LRCH3: variants seen among roughly 807,000 people sequenced by gnomAD.
LRCH3 encodes the protein leucine rich repeats and calponin homology domain containing 3.
LRCH3 carries 68 observed loss-of-function variants against 104.5 expected under a neutral mutation model. The observed-to-expected ratio is 0.65, with a 90% CI of 0.54 to 0.80. The LOEUF is 0.80. Ranked by LOEUF, LRCH3 falls within the 30% of genes least tolerant of loss-of-function variation. The pLI, the probability that LRCH3 is intolerant of heterozygous loss-of-function variation, is 0.00. For missense variants in LRCH3, 951 were observed against 953.9 expected (o/e 1.00, Z 0.04); for synonymous variants, 344 against 361.3 (o/e 0.95, Z 0.54).
At chr3:197,835,611 A>C in intron 8 of LRCH3, 63 bp from the exon 9 acceptor site, 10 of 1,383,942 alleles carry the variant, frequency 7.2e-6, no homozygotes, top group Non-Finnish European at 9.5e-6. Flanking sequence ...TTTATTGGCT[A>C]TCTAATTTGA....
Position 197,824,376 on chromosome 3 carries a change from T to TC in LRCH3, c.641-2498dup, listed in dbSNP as rs1469022697. On this transcript the variant is annotated intron_variant, in intron 4 of 20. Transcript: ENST00000425562. ...CCACGCCCGGCTTTTTTTTTTTTTTTCCCCTGGAGGTAATAGTTTCTTATC... is the reference window on the plus strand; with the variant it reads ...CCACGCCCGGCTTTTTTTTTTTTTTTCCCCCTGGAGGTAATAGTTTCTTATC... 2.9e-3 allele frequency among the ~76,000 whole-genome samples: 428 copies of TC among 149,848 alleles called. 13 individuals are homozygous for TC. Among genetic ancestry groups the TC allele is most frequent in the African/African-American group, 9.7e-3 (393 of 40,650 alleles).
At position 197,885,033 on chromosome 3, in the gene LRCH3, G is replaced by A. The variant is rs1294582687; in HGVS notation, c.*1367G>A. 1 of 152,168 alleles carries A rather than the reference G, an allele frequency of 6.6e-6. No individual in the cohort carries two copies. Among genetic ancestry groups the A allele is most frequent in the African/African-American group, 2.4e-5 (1 of 41,424 alleles). 9.4% of individuals were successfully genotyped at this position (152,168 alleles called of 1,614,324 possible). A position where few individuals can be genotyped will look rare whatever the true frequency, so the allele number is the denominator to read the frequency against. On this transcript the variant is annotated 3_prime_UTR_variant, in exon 21 of 21. Transcript: ENST00000425562. ...ATAGTTCTATGTCATCCTGTTATCT[G>A]GACATTATAATAAACAACAAGCCCT...
intron 20 of LRCH3, among the ~76,000 whole-genome samples, chr3:197,880,022 T>C (rs111374189): frequency 0.063 from 9,313 of 148,590 alleles, 1,039 homozygotes; most frequent in African/African-American, 0.22. Context: ...CTCGGCTCAC[T>C]GCAAGCTCCG....
chr3:197,826,566 G>T (rs1735230469), intron 4 of LRCH3, among the ~76,000 whole-genome samples: 1 of 152,162 alleles, frequency 6.6e-6, no homozygotes. Context: ...TGTTCTTTAT[G>T]TAGAGTGTTA....
At chr3:197,868,712 AT>A in intron 17 of LRCH3, among the ~76,000 whole-genome samples, 1 of 152,354 alleles carries the variant, frequency 6.6e-6, no homozygotes, top group South Asian at 2.1e-4. Context: ...TAAACTTACC[AT>A]TGATCAAAGG....
At chr3:197,851,851 T>C (rs1421195439) in intron 12 of LRCH3, among the ~76,000 whole-genome samples, 1 of 152,190 alleles carries the variant, frequency 6.6e-6, no homozygotes, top group Non-Finnish European at 1.5e-5. Context: ...GTTTGGAGGC[T>C]GAAAGATGGT....
In LRCH3 at chr3:197,860,828, A is replaced by G. The variant is rs1006974683; in HGVS notation, c.1716+1923A>G. On this transcript the variant is annotated intron_variant, in intron 15 of 20. Transcript: ENST00000425562. ...TGTGATGACCATTTTGTACTATCAA[A>G]TGCTGGATCTTATTCTTTTTATTTT... Among the ~76,000 whole-genome samples, 12 of 152,108 alleles carry G rather than the reference A, an allele frequency of 7.9e-5. No homozygotes were observed. In the East Asian group the frequency reaches 2.3e-3, roughly 29 times the overall value.
chr3:197,869,103 T>A (rs1711716309), intron 17 of LRCH3, among the ~76,000 whole-genome samples: 1 of 152,218 alleles, frequency 6.6e-6, no homozygotes, highest in South Asian at 2.1e-4. Flanking sequence ...AAAACCCTTT[T>A]AAAAAGTCAA....
At chr3:197,814,167 A>G (rs939312499) in intron 1 of LRCH3, among the ~76,000 whole-genome samples, 24 of 152,254 alleles carry the variant, frequency 1.6e-4, no homozygotes, top group African/African-American at 5.5e-4. Flanking sequence ...TAAAAGTTCC[A>G]CATGGCTGGG....
chr3:197,850,763 A>C (rs974430628), intron 12 of LRCH3: 7 of 1,277,890 alleles, frequency 5.5e-6, no homozygotes, highest in African/African-American at 1.5e-5. Flanking sequence ...CAACTCCATC[A>C]TTGTAACGTC....
At position 197,856,545 on chromosome 3, in the gene LRCH3, G is replaced by A. The variant is rs187193190; in HGVS notation, c.1644+2100G>A. On this transcript the variant is annotated intron_variant, in intron 14 of 20. Transcript: ENST00000425562. The surrounding 1 kb of genome is among the most constrained non-coding windows in gnomAD (Gnocchi z 4.2). The stretch of plus-strand genomic sequence containing the variant: ...GGGACTACGGGTGCATGCACCACAC[G>A]TGGCTAATTTTTTTATTTTTTTGTA... Among the ~76,000 whole-genome samples, 1 of 151,922 alleles carries A rather than the reference G, an allele frequency of 6.6e-6. No homozygotes were observed. The highest frequency in any genetic ancestry group is 1.9e-4 in the East Asian group (1 of 5,176).
In LRCH3 at chr3:197,882,548, A is replaced by C. The variant is rs1713871674; in HGVS notation, c.2209-993A>C. On this transcript the variant is annotated intron_variant, in intron 20 of 20. Coordinates refer to ENST00000425562, the MANE Select transcript of LRCH3 (RefSeq NM_001365715.1). ...AAAAAACAAAAAACAAAAAAACCCA[A>C]CTAGTTGTTTTAACAAACATATATA... 3.2e-6 allele frequency: 3 copies of C among 940,544 alleles called. 1 individual carries two copies. In the South Asian group the frequency reaches 1.5e-4, roughly 46 times the overall value. 58.3% of individuals were successfully genotyped at this position (940,544 alleles called of 1,614,324 possible).
At chr3:197,832,462 A>G (rs545811025) in intron 8 of LRCH3, 145 bp downstream of exon 8, 27 of 757,560 alleles carry the variant, frequency 3.6e-5, no homozygotes, top group South Asian at 7.7e-5. Context: ...TGATTGAAAA[A>G]TACTATTTTC....
At chr3:197,798,596 A>C (rs1052355933) in intron 1 of LRCH3, among the ~76,000 whole-genome samples, 2 of 152,240 alleles carry the variant, frequency 1.3e-5, no homozygotes, top group African/African-American at 4.8e-5. Flanking sequence ...TTTCTAGGTA[A>C]GAAGAATGAG....
chr3:197,798,254 C>T lies in LRCH3; in HGVS notation c.262+6714C>T, dbSNP rs145383903. ...CCAGTATGGGCAACAGAGTGAGACC[C>T]TGTCTCAAAAAAAATAAATAAATAA... is the stretch of plus-strand genomic sequence containing the variant. On this transcript the variant is annotated intron_variant, in intron 1 of 20. Transcript: ENST00000425562. Among the ~76,000 whole-genome samples the T allele has an allele frequency of 4.2e-3, 633 of 151,152 alleles. 3 individuals carry two copies. The highest frequency in any genetic ancestry group is 0.015 in the African/African-American group (604 of 40,794).
At chr3:197,882,452 C>A in intron 20 of LRCH3, 1 of 947,510 alleles carries the variant, frequency 1.1e-6, no homozygotes, top group East Asian at 1.2e-4. Flanking sequence ...CTCAAAAATA[C>A]TTGTTATATA....
chr3:197,848,603 TG>T (rs769127523), intron 12 of LRCH3: 1 of 152,726 alleles, frequency 6.5e-6, no homozygotes, highest in African/African-American at 2.4e-5. Context: ...ATTAATTATT[TG>T]TAATTTTGTT....
chr3:197,830,650 T>G, intron 6 of LRCH3, 120 bp from the exon 7 acceptor site: 1 of 711,658 alleles, frequency 1.4e-6, no homozygotes, highest in Non-Finnish European at 2.4e-6. Flanking sequence ...TAAAGCCCAT[T>G]TAGTTCTAAT....
At position 197,817,305 on chromosome 3, in the gene LRCH3, A is replaced by G. The variant is rs758984138; in HGVS notation, c.534+3A>G. 3 of 1,376,674 alleles carry G rather than the reference A, an allele frequency of 2.2e-6. No homozygotes were observed. The highest frequency in any genetic ancestry group is 4.8e-5 in the Admixed American group (2 of 42,002). The allele number at this position is 1,376,674 out of a possible 1,614,324, so 85.3% of individuals were successfully genotyped here. On this transcript the variant is annotated splice_donor_region_variant and intron_variant, in intron 3 of 20. Transcript: ENST00000425562. ...ACCTTAGACATTTGATGGAACTTGT[A>G]AGTTAATATTTTTGATTGTCCAACA...
Sources: gnomAD v4.1 joint callset for allele counts (sites outside exome capture counted in the v4.1 genomes callset) on GRCh38, gnomAD v4.1.1 for gene constraint, Gnocchi (gnomAD v3.1) non-coding constraint, MANE v1.5 for transcripts, NCBI Gene and HGNC (gene_info 2026-07-23, HGNC 2026-07-21) for gene names.